The following CORO2A variants were observed in gnomAD, a reference collection of about 807,000 sequenced individuals.
The protein encoded by CORO2A is coronin 2A.
Under a neutral mutation model 62.4 loss-of-function variants are expected in CORO2A, and 47 were observed. The ratio of observed to expected loss-of-function variants is 0.75; its 90% confidence interval spans 0.60 to 0.96. The LOEUF is 0.96. Ranked by LOEUF, CORO2A falls within the 40% of genes least tolerant of loss-of-function variation. CORO2A has a pLI of 0.00. For missense variants in CORO2A, 610 were observed against 684.1 expected (o/e 0.89, Z 1.21); for synonymous variants, 273 against 268.9 (o/e 1.02, Z -0.15).
intron 2 of CORO2A, among the ~76,000 whole-genome samples, chr9:98,146,697 T>A (rs891058002): frequency 1.3e-5 from 2 of 152,066 alleles, no homozygotes; most frequent in Admixed American, 6.5e-5. Context: ...GTCAGTGAAG[T>A]GAGAGCAAGG....
At chr9:98,174,715 G>A (rs79686889) in intron 1 of CORO2A, among the ~76,000 whole-genome samples, 2 of 152,106 alleles carry the variant, frequency 1.3e-5, no homozygotes, top group East Asian at 3.9e-4. Flanking sequence ...CTGCAGCCCT[G>A]TGAAGAAGGT....
chr9:98,192,439 C>T (rs1439407114), intron 1 of CORO2A, 120 bp downstream of exon 1: 1 of 151,696 alleles, frequency 6.6e-6, no homozygotes, highest in Admixed American at 6.6e-5. Flanking sequence ...CCAGGTCCCC[C>T]GCGCTCCGAG....
chr9:98,154,323 T>TTA (rs1564209102), intron 2 of CORO2A, among the ~76,000 whole-genome samples: 1 of 102,162 alleles, frequency 9.8e-6, no homozygotes, highest in African/African-American at 4.3e-5. Context: ...TCTTATGTGT[T>TTA]TGTGTGTATA....
chr9:98,175,874 C>A (rs1207921087), intron 1 of CORO2A, among the ~76,000 whole-genome samples: 4 of 152,186 alleles, frequency 2.6e-5, no homozygotes, highest in African/African-American at 9.7e-5. Context: ...CAGCCTGGCA[C>A]ATGGTAAACT....
At chr9:98,138,282 G>A (rs1233959930) in intron 2 of CORO2A, among the ~76,000 whole-genome samples, 2 of 152,038 alleles carry the variant, frequency 1.3e-5, no homozygotes, top group Non-Finnish European at 2.9e-5. Context: ...GGGCGTGGTA[G>A]CATGCACCTG....
chr9:98,139,488 G>A (rs1341292851), intron 2 of CORO2A, among the ~76,000 whole-genome samples: 1 of 152,162 alleles, frequency 6.6e-6, no homozygotes, highest in Non-Finnish European at 1.5e-5. Context: ...TTAGCCGGGC[G>A]TGGTGGCACA....
intron 1 of CORO2A, among the ~76,000 whole-genome samples, chr9:98,184,864 C>T (rs1226147328): frequency 6.6e-6 from 1 of 152,180 alleles, no homozygotes; most frequent in Non-Finnish European, 1.5e-5. Context: ...TGATATTTCC[C>T]TAACCCCTAG....
intron 1 of CORO2A, among the ~76,000 whole-genome samples, chr9:98,187,140 G>A (rs965272955): frequency 2.0e-5 from 3 of 151,870 alleles, no homozygotes; most frequent in Non-Finnish European, 2.9e-5. Context: ...AAAATTAGCC[G>A]GGCGTGGTGG....
At chr9:98,159,964 G>T (rs1164620990) in intron 1 of CORO2A, among the ~76,000 whole-genome samples, 1 of 152,156 alleles carries the variant, frequency 6.6e-6, no homozygotes, top group Non-Finnish European at 1.5e-5. Context: ...TCTTCTCTGT[G>T]CTCAATTCCT....
chr9:98,155,760 T>C (rs929235001), intron 2 of CORO2A, among the ~76,000 whole-genome samples: 1 of 152,198 alleles, frequency 6.6e-6, no homozygotes, highest in African/African-American at 2.4e-5. Flanking sequence ...TTTGCCCATA[T>C]TGTTAATGTT....
chr9:98,140,959 CTT>C (rs960126141), intron 2 of CORO2A, among the ~76,000 whole-genome samples: 4 of 152,126 alleles, frequency 2.6e-5, no homozygotes, highest in African/African-American at 9.7e-5. Flanking sequence ...CAACATTAAA[CTT>C]ATATAAGTTG....
chr9:98,162,918 C>T (rs944450511), intron 1 of CORO2A, among the ~76,000 whole-genome samples: 1 of 152,236 alleles, frequency 6.6e-6, no homozygotes, highest in Non-Finnish European at 1.5e-5. Flanking sequence ...CCAGAACAGC[C>T]GATTCGAGCC....
intron 8 of CORO2A, 53 bp from the exon 9 acceptor site, chr9:98,128,772 G>T: frequency 2.0e-6 from 3 of 1,482,476 alleles, no homozygotes; most frequent in Non-Finnish European, 2.8e-6. Context: ...GGGCCACAGT[G>T]TTAGGGCCAA....
chr9:98,147,453 A>G (rs191411865), intron 2 of CORO2A, among the ~76,000 whole-genome samples: 13 of 152,348 alleles, frequency 8.5e-5, no homozygotes, highest in Admixed American at 7.8e-4. Flanking sequence ...TGGGCTGAGG[A>G]AAGTTCATCA....
intron 1 of CORO2A, among the ~76,000 whole-genome samples, chr9:98,189,132 T>C (rs919282242): frequency 2.8e-4 from 42 of 152,270 alleles, no homozygotes; most frequent in African/African-American, 8.2e-4. Flanking sequence ...CCAAATGAAA[T>C]TGCCATTTCT....
At chr9:98,176,584 T>C (rs777418961) in intron 1 of CORO2A, among the ~76,000 whole-genome samples, 5 of 152,152 alleles carry the variant, frequency 3.3e-5, no homozygotes, top group Non-Finnish European at 7.4e-5. Flanking sequence ...CTCAGGACCA[T>C]GGGATGGCTC....
intron 8 of CORO2A, 144 bp from the exon 9 acceptor site, chr9:98,128,863 T>G: frequency 1.6e-6 from 1 of 634,504 alleles, no homozygotes; most frequent in Non-Finnish European, 2.9e-6. Context: ...GACACTGGGC[T>G]GGGCCCTATG....
intron 2 of CORO2A, among the ~76,000 whole-genome samples, chr9:98,147,247 A>G (rs1827654569): frequency 6.6e-6 from 1 of 152,152 alleles, no homozygotes; most frequent in African/African-American, 2.4e-5. Context: ...ATCAGGTGAC[A>G]CAAGAGTTAT....
Position 98,171,153 on chromosome 9 carries a change from C to T in CORO2A, c.1-13493G>A, listed in dbSNP as rs76727580. 6.6e-5 allele frequency among the ~76,000 whole-genome samples: 10 copies of T among 152,336 alleles called. No individual in the cohort carries two copies. In the East Asian group the frequency reaches 1.7e-3, roughly 26 times the overall value. On this transcript the variant is annotated intron_variant, in intron 1 of 11. Transcript: ENST00000375077. ...GAAAATCTGGCAGCTCCACTCCCTG[C>T]TCACTGTCCGCTTTCTGGCACAGAG...
Sources: gnomAD v4.1 joint callset for allele counts (sites outside exome capture counted in the v4.1 genomes callset) on GRCh38, gnomAD v4.1.1 for gene constraint, MANE v1.5 for transcripts, NCBI Gene and HGNC (gene_info 2026-07-23, HGNC 2026-07-21) for gene names.